The following SRGAP3 variants were observed in gnomAD, a reference collection of about 807,000 sequenced individuals.
The protein encoded by SRGAP3 is SLIT-ROBO Rho GTPase-activating protein 3.
SRGAP3 carries 39 observed loss-of-function variants against 121.1 expected under a neutral mutation model. That is an observed-to-expected ratio of 0.32 (90% CI 0.25 to 0.42). The LOEUF (loss-of-function observed/expected upper bound fraction) is 0.42. Ranked by LOEUF, SRGAP3 falls within the 10% of genes least tolerant of loss-of-function variation. SRGAP3 has a pLI of 1.00. For synonymous variants in SRGAP3, 601 were observed against 570.0 expected, an observed-to-expected ratio of 1.05 and a Z score of -0.77; for missense variants, 1,213 against 1,470.6, an observed-to-expected ratio of 0.82 and a Z score of 2.86.
chr3:9,150,906 C>A (rs1283745900), intron 1 of SRGAP3, among the ~76,000 whole-genome samples: 1 of 152,216 alleles, frequency 6.6e-6, no homozygotes, highest in Non-Finnish European at 1.5e-5. Context: ...AACCTCAGTC[C>A]TTTCCTCAAA....
chr3:9,328,797 C>T (rs1404643581), intron 2 of SRGAP3, among the ~76,000 whole-genome samples: 1 of 152,204 alleles, frequency 6.6e-6, no homozygotes, highest in African/African-American at 2.4e-5. Context: ...GGGGTAGTCT[C>T]CACTGCTCTT....
At chr3:9,206,843 A>G (rs1952283274) in intron 1 of SRGAP3, among the ~76,000 whole-genome samples, 2 of 151,994 alleles carry the variant, frequency 1.3e-5, no homozygotes, top group Admixed American at 1.3e-4. Flanking sequence ...GCTTAACATC[A>G]TAGTATGTCC....
chr3:9,344,892 C>T (rs1237553950), intron 1 of SRGAP3, among the ~76,000 whole-genome samples: 2 of 151,970 alleles, frequency 1.3e-5, no homozygotes, highest in African/African-American at 4.8e-5. Flanking sequence ...CAAAAATTAG[C>T]TGGGTGTGGT....
chr3:9,321,470 T>C (rs1289855268), intron 3 of SRGAP3, among the ~76,000 whole-genome samples: 2 of 151,914 alleles, frequency 1.3e-5, no homozygotes, highest in African/African-American at 2.4e-5. Flanking sequence ...CAACCGATAG[T>C]TGTCTGGAGA....
At chr3:9,084,106 T>C (rs1560107594) in intron 3 of SRGAP3, among the ~76,000 whole-genome samples, 1 of 152,194 alleles carries the variant, frequency 6.6e-6, no homozygotes, top group Non-Finnish European at 1.5e-5. Flanking sequence ...GTTTAATCTG[T>C]CTTTCTCAAT....
chr3:9,068,275 T>C (rs766374206), intron 4 of SRGAP3, among the ~76,000 whole-genome samples: 2 of 152,222 alleles, frequency 1.3e-5, no homozygotes, highest in Admixed American at 6.5e-5. Context: ...CATGCATCCA[T>C]CCACTCTCTC....
intron 1 of SRGAP3, among the ~76,000 whole-genome samples, chr3:9,157,628 G>A (rs962565432): frequency 6.6e-6 from 1 of 152,132 alleles, no homozygotes; most frequent in African/African-American, 2.4e-5. Context: ...AGTTGGTAAC[G>A]GCAGAGTAAT....
At chr3:9,283,420 T>G (rs564933829) in intron 3 of SRGAP3, among the ~76,000 whole-genome samples, 3 of 152,248 alleles carry the variant, frequency 2.0e-5, no homozygotes, top group African/African-American at 4.8e-5. Context: ...CACTGAATTA[T>G]GCAGATCTTC....
chr3:9,338,253 T>C (rs1955724774), intron 1 of SRGAP3, among the ~76,000 whole-genome samples: 1 of 152,068 alleles, frequency 6.6e-6, no homozygotes, highest in African/African-American at 2.4e-5. Context: ...TGCTTGCATA[T>C]ATAGATTCTA....
At chr3:9,002,942 A>G (rs1050699164) in intron 18 of SRGAP3, among the ~76,000 whole-genome samples, 9 of 152,216 alleles carry the variant, frequency 5.9e-5, no homozygotes, top group Non-Finnish European at 1.3e-4. Flanking sequence ...CAATCATCAA[A>G]AAACTACCCA....
intron 3 of SRGAP3, among the ~76,000 whole-genome samples, chr3:9,086,279 A>G (rs977111873): frequency 1.3e-5 from 2 of 152,186 alleles, no homozygotes; most frequent in Non-Finnish European, 2.9e-5. Context: ...TAATCCCAGC[A>G]CTTTGAGAGA....
chr3:9,088,447 C>A (rs1006480457), intron 3 of SRGAP3, among the ~76,000 whole-genome samples: 5 of 152,182 alleles, frequency 3.3e-5, no homozygotes, highest in Non-Finnish European at 7.3e-5. Context: ...TGCCTCTTTG[C>A]CTGTAGCTAA....
chr3:8,990,826 A>G lies in SRGAP3; in HGVS notation c.2572T>C (p.Ser858Pro). The change falls in exon 21 of 22, where the codon TCT (serine) becomes CCT (proline). Residue 858 changes from serine to proline, a missense_variant. Physicochemically the swap from Ser to Pro is moderately conservative, Grantham distance 74. Around this residue, in one of 2 missense-constraint regions of SRGAP3, gnomAD observed 420 missense variants for 437.7 expected, o/e 0.96. Transcript: ENST00000383836. The part of the protein sequence containing the change: ...GGVMGRVRLR[S>P]DGAAIPRRRS... ...CGTCTGGGGATGGCTGCTCCATCAG[A>G]TCGTAACCGCACTCTGCAAAGGAGC... 1 of 1,555,604 alleles carries G rather than the reference A, an allele frequency of 6.4e-7. No homozygotes were observed. The highest frequency in any genetic ancestry group is 8.6e-7 in the Non-Finnish European group (1 of 1,156,200).
intron 12 of SRGAP3, among the ~76,000 whole-genome samples, chr3:9,027,749 T>C (rs891461102): frequency 6.6e-6 from 1 of 152,250 alleles, no homozygotes; most frequent in Non-Finnish European, 1.5e-5. Context: ...AAACATTTTC[T>C]TTTGGATTCC....
chr3:9,259,730 A>G (rs1177529664), intron 3 of SRGAP3, among the ~76,000 whole-genome samples: 1 of 152,030 alleles, frequency 6.6e-6, no homozygotes, highest in Non-Finnish European at 1.5e-5. Flanking sequence ...ACTGTCCAAT[A>G]CGATTGTCAC....
intron 2 of SRGAP3, among the ~76,000 whole-genome samples, chr3:9,116,285 C>T (rs1372756914): frequency 6.6e-6 from 1 of 152,186 alleles, no homozygotes; most frequent in East Asian, 1.9e-4. Flanking sequence ...TCTCCTTTCG[C>T]AGCCACACAA....
intron 1 of SRGAP3, among the ~76,000 whole-genome samples, chr3:9,358,509 TCTC>T (rs1211051592): frequency 2.0e-5 from 3 of 152,176 alleles, no homozygotes; most frequent in African/African-American, 4.8e-5. Context: ...TGTGGGGATT[TCTC>T]CTCATCAGCC....
chr3:8,981,498 T>C lies in SRGAP3; in HGVS notation c.*4021A>G. ...CTGAGAGGAAGAACCATTACCCGAG[T>C]CCTCGTGTTTTTCCATTAGCTGTGG... is the stretch of plus-strand genomic sequence containing the variant. On this transcript the variant is annotated 3_prime_UTR_variant, in exon 22 of 22. Coordinates refer to ENST00000383836, the MANE Select transcript of SRGAP3 (RefSeq NM_014850.4). 8.6e-6 allele frequency: 2 copies of C among 232,566 alleles called. No individual in the cohort carries two copies. Among genetic ancestry groups the C allele is most frequent in the Non-Finnish European group, 1.7e-5 (2 of 117,448 alleles). 14.4% of individuals were successfully genotyped at this position (232,566 alleles called of 1,614,324 possible).
chr3:9,340,989 A>G (rs191014475), intron 1 of SRGAP3, among the ~76,000 whole-genome samples: 1 of 152,350 alleles, frequency 6.6e-6, no homozygotes, highest in East Asian at 1.9e-4. Context: ...AGGAGCCAGT[A>G]TGGCTGGGTT....
Sources: allele counts gnomAD v4.1 joint callset (sites outside exome capture counted in the v4.1 genomes callset), GRCh38; gene constraint gnomAD v4.1.1; regional missense constraint gnomAD v4.1.1; transcripts MANE v1.5; gene names NCBI Gene and HGNC (gene_info 2026-07-23, HGNC 2026-07-21).